The following GRM1 variants were observed in gnomAD, a reference collection of about 807,000 sequenced individuals.
GRM1 encodes the protein glutamate metabotropic receptor 1.
GRM1 carries 33 observed loss-of-function variants against 90.9 expected under a neutral mutation model. That is an observed-to-expected ratio of 0.36 (90% CI 0.28 to 0.49). The LOEUF is 0.49. GRM1 is among the 20% of genes least tolerant of loss of function. GRM1 has a pLI of 0.99. For synonymous variants in GRM1, 700 were observed against 613.2 expected, an observed-to-expected ratio of 1.14 and a Z score of -2.09; for missense variants, 1,190 against 1,534.3, an observed-to-expected ratio of 0.78 and a Z score of 3.75.
chr6:146,070,184 T>C (rs1430955363), intron 1 of GRM1, among the ~76,000 whole-genome samples: 4 of 152,204 alleles, frequency 2.6e-5, no homozygotes, highest in African/African-American at 7.2e-5. Flanking sequence ...TTTTTTTCTC[T>C]AACAAGTTTA....
chr6:146,246,002 G>A lies in GRM1; in HGVS notation c.951-58609G>A, dbSNP rs534458516. Among the ~76,000 whole-genome samples the A allele has an allele frequency of 3.3e-5, 5 of 152,196 alleles. No individual in the cohort carries two copies. The South Asian group carries it at 1.0e-3, about 32-fold the overall frequency. On this transcript the variant is annotated intron_variant, in intron 2 of 7. Transcript: ENST00000282753. The stretch of plus-strand genomic sequence containing the variant: ...CTGTTAAAAATATGTAGCTTCTGAT[G>A]TACACTCTTATTCTAAATATAGATA...
At position 146,434,118 on chromosome 6, in the gene GRM1, C is replaced by A; in HGVS notation, c.2907C>A (p.Ser969Arg). Residue 969 changes from serine (S) to arginine (R), a missense_variant, in exon 8 of 8, where the codon AGC (serine) becomes AGA (arginine). By Grantham distance (110) the Ser-to-Arg change is moderately radical. Around this residue, in one of 10 missense-constraint regions of GRM1, gnomAD observed 400 missense variants for 360.8 expected, o/e 1.11. Transcript: ENST00000282753. ...AGGATGCCCAGCCGATTCGCTTTAG[C>A]CCGCCTGGTAGCCCTTCCATGGTGG... is the stretch of plus-strand genomic sequence containing the variant. ...EEEDAQPIRF[S>R]PPGSPSMVVH... 1 of 1,614,116 alleles carries A rather than the reference C, an allele frequency of 6.2e-7. No homozygotes were observed.
At chr6:146,421,516 C>T (rs1197330724) in intron 7 of GRM1, among the ~76,000 whole-genome samples, 2 of 151,922 alleles carry the variant, frequency 1.3e-5, no homozygotes, top group Non-Finnish European at 2.9e-5. Flanking sequence ...CAATACATAC[C>T]AATTTGTCTC....
At chr6:146,373,785 A>T (rs1395686477) in intron 5 of GRM1, among the ~76,000 whole-genome samples, 1 of 152,128 alleles carries the variant, frequency 6.6e-6, no homozygotes, top group Non-Finnish European at 1.5e-5. Context: ...GTTTTCCCAA[A>T]TATAAGATCA....
At chr6:146,315,154 A>G (rs1783923486) in intron 3 of GRM1, among the ~76,000 whole-genome samples, 1 of 152,190 alleles carries the variant, frequency 6.6e-6, no homozygotes, top group Admixed American at 6.6e-5. Flanking sequence ...GTTCAAGACC[A>G]GCCTGGGAAC....
chr6:146,304,902 A>G, intron 3 of GRM1, 56 bp downstream of exon 3: 1 of 1,202,064 alleles, frequency 8.3e-7, no homozygotes, highest in Non-Finnish European at 1.2e-6. Context: ...TTCTAGATTT[A>G]TTGCAACTTG....
At chr6:146,429,127 C>T (rs1258611053) in intron 7 of GRM1, among the ~76,000 whole-genome samples, 1 of 152,040 alleles carries the variant, frequency 6.6e-6, no homozygotes, top group Admixed American at 6.5e-5. Flanking sequence ...TTGTGATATT[C>T]TCTAATTTTA....
intron 1 of GRM1, among the ~76,000 whole-genome samples, chr6:146,140,093 C>CTT (rs1408245858): frequency 1.4e-4 from 9 of 65,936 alleles, no homozygotes; most frequent in Admixed American, 3.6e-4. Flanking sequence ...TTTCTTTATT[C>CTT]TTTCTTTCTT....
At chr6:146,031,034 A>T (rs1409566055) in intron 1 of GRM1, among the ~76,000 whole-genome samples, 2 of 152,174 alleles carry the variant, frequency 1.3e-5, no homozygotes, top group African/African-American at 4.8e-5. Flanking sequence ...TGGATAGCAG[A>T]TATTAGGTTT....
intron 1 of GRM1, among the ~76,000 whole-genome samples, chr6:146,130,285 GA>G (rs869042788): frequency 5.8e-4 from 63 of 107,898 alleles, no homozygotes; most frequent in Admixed American, 1.3e-3. Context: ...TCTTTCGTAA[GA>G]AAAAGACAAA....
chr6:146,373,644 T>A lies in GRM1; in HGVS notation c.1603-13246T>A, dbSNP rs75189948. On this transcript the variant is annotated intron_variant, in intron 5 of 7. Coordinates refer to ENST00000282753, the MANE Select transcript of GRM1 (RefSeq NM_001278064.2). ...GCTATTGTAAATGAGATTACTTTTTTATTTCCTTTTCACATTGTTCATTGT... is the reference window on the plus strand; with the variant it reads ...GCTATTGTAAATGAGATTACTTTTTAATTTCCTTTTCACATTGTTCATTGT... Among the ~76,000 whole-genome samples the A allele has an allele frequency of 2.5e-3, 380 of 152,272 alleles. 7 individuals carry two copies. The East Asian group carries it at 0.056, about 23-fold the overall frequency.
Position 146,029,963 on chromosome 6 carries a change from C to A in GRM1, c.446C>A (p.Pro149Gln), listed in dbSNP as rs199749018. The change falls in exon 1 of 8, where the codon CCA becomes CAA. Residue 149 changes from proline to glutamine, a missense_variant. Transcript: ENST00000282753. ...RCLPDGQSLP[P>Q]GRTKKPIAGV... ...CTGCCTGACGGCCAGTCCCTCCCCC[C>A]AGGCAGGACTAAGAAGCCCATTGCG... The A allele has an allele frequency of 1.2e-5, 20 of 1,614,008 alleles. No homozygotes were observed. The highest frequency in any genetic ancestry group is 4.0e-5 in the African/African-American group (3 of 74,916).
rs371554198 is a variant in GRM1, at chr6:146,131,464, C to A, written c.701-27884C>A. On this transcript the variant is annotated intron_variant, in intron 1 of 7. Coordinates refer to ENST00000282753, the MANE Select transcript of GRM1 (RefSeq NM_001278064.2). The stretch of plus-strand genomic sequence containing the variant: ...ATTATGGATAAAATAATCTCTAAGT[C>A]TCTTCAAGTTTTAATATTATATATG... Among the ~76,000 whole-genome samples, 6 of 150,998 alleles carry A rather than the reference C, an allele frequency of 4.0e-5. No individual in the cohort carries two copies. The South Asian group carries it at 1.0e-3, about 26-fold the overall frequency.
intron 2 of GRM1, among the ~76,000 whole-genome samples, chr6:146,239,741 G>A (rs984694545): frequency 1.3e-5 from 2 of 152,138 alleles, no homozygotes; most frequent in African/African-American, 4.8e-5. Flanking sequence ...AAGAAACTTT[G>A]TGGGACATTT....
At chr6:146,367,829 T>C (rs898365466) in intron 5 of GRM1, among the ~76,000 whole-genome samples, 12 of 152,276 alleles carry the variant, frequency 7.9e-5, no homozygotes, top group Admixed American at 3.9e-4. Context: ...GATGGGCATC[T>C]AGCTTGATTC....
intron 2 of GRM1, among the ~76,000 whole-genome samples, chr6:146,173,380 A>G (rs1778208420): frequency 6.8e-6 from 1 of 147,138 alleles, no homozygotes; most frequent in African/African-American, 2.6e-5. Flanking sequence ...CAAGAGTGAA[A>G]CTCTGTCTCA....
intron 6 of GRM1, among the ~76,000 whole-genome samples, chr6:146,387,325 A>G (rs947215964): frequency 1.3e-5 from 2 of 152,008 alleles, no homozygotes; most frequent in Non-Finnish European, 2.9e-5. Flanking sequence ...TATATTTGCA[A>G]TCATTTCTTG....
intron 2 of GRM1, among the ~76,000 whole-genome samples, chr6:146,275,917 G>A (rs981980797): frequency 1.3e-5 from 2 of 151,998 alleles, no homozygotes; most frequent in African/African-American, 4.8e-5. Flanking sequence ...AATGAGTCTT[G>A]GGTCTGTTGA....
intron 1 of GRM1, among the ~76,000 whole-genome samples, chr6:146,151,402 A>G (rs1050171591): frequency 6.6e-6 from 1 of 152,228 alleles, no homozygotes; most frequent in Non-Finnish European, 1.5e-5. Flanking sequence ...ACAGGATTTG[A>G]ACTAAGTGCT....
Sources: gnomAD v4.1 joint callset for allele counts (sites outside exome capture counted in the v4.1 genomes callset) on GRCh38, gnomAD v4.1.1 for gene constraint, gnomAD v4.1.1 regional missense constraint, MANE v1.5 for transcripts, NCBI Gene and HGNC (gene_info 2026-07-23, HGNC 2026-07-21) for gene names.